The following C1QTNF9 variants were observed in gnomAD, a reference collection of about 807,000 sequenced individuals.
C1QTNF9 encodes C1q and TNF related 9.
In C1QTNF9, 6 loss-of-function variants were observed where a neutral mutation model predicts 10.1. The ratio of observed to expected loss-of-function variants is 0.59; its 90% CI spans 0.32 to 1.17. C1QTNF9 has a LOEUF of 1.17. C1QTNF9 is among the 50% of genes most tolerant of loss of function. C1QTNF9 has a pLI of 0.04. For synonymous variants in C1QTNF9, 98 were observed against 163.5 expected, an observed-to-expected ratio of 0.60 and a Z score of 3.06; for missense variants, 201 against 418.8, an observed-to-expected ratio of 0.48 and a Z score of 4.54.
Position 24,320,632 on chromosome 13 carries a change from A to C in C1QTNF9, c.230-364A>C, listed in dbSNP as rs534470272. Among the ~76,000 whole-genome samples, 110 of 152,164 alleles carry C rather than the reference A, an allele frequency of 7.2e-4. 2 individuals are homozygous for C. The South Asian group carries it at 0.013, about 18-fold the overall frequency. ...ATTCCTGGACTCAAGTAGTCTGCCC[A>C]CCTTGGCCTCCCAAAGTGCTAGGAT... On this transcript the variant is annotated intron_variant, in intron 3 of 3. Transcript: ENST00000332018.
exon 4 of C1QTNF9, chr13:24,321,303 A>C: frequency 6.4e-7 from 1 of 1,555,072 alleles, no homozygotes; most frequent in South Asian, 1.1e-5. Flanking sequence ...GAGTCCGGGG[A>C]ATAAGAGGCT....
chr13:24,318,543 G>A (rs1198764430), intron 2 of C1QTNF9, among the ~76,000 whole-genome samples: 3 of 151,888 alleles, frequency 2.0e-5, no homozygotes, highest in Non-Finnish European at 2.9e-5. Flanking sequence ...CTCCCTCTTC[G>A]TCCTGTCTTG....
exon 4 of C1QTNF9, chr13:24,321,546 A>T (rs2862239): frequency 6.2e-7 from 1 of 1,611,904 alleles, no homozygotes. Context: ...TTTTCTCCAG[A>T]AATGTTCAGG....
chr13:24,318,481 C>T (rs1376837873), intron 2 of C1QTNF9, among the ~76,000 whole-genome samples: 1 of 151,428 alleles, frequency 6.6e-6, no homozygotes, highest in East Asian at 2.0e-4. Context: ...CGTCCCAAGT[C>T]CTTGTCGCAG....
chr13:24,311,969 G>A (rs1291135067), intron 1 of C1QTNF9, among the ~76,000 whole-genome samples: 2 of 152,160 alleles, frequency 1.3e-5, no homozygotes, highest in Admixed American at 1.3e-4. Context: ...CCCATGGCCC[G>A]TAATCTAGCT....
rs191677848 is a variant in C1QTNF9 at position 24,319,318 on chromosome 13, C to T, written c.229+438C>T. Among the ~76,000 whole-genome samples the T allele has an allele frequency of 7.9e-5, 12 of 152,228 alleles. No individual in the cohort carries two copies. In the East Asian group the frequency reaches 1.9e-3, roughly 24 times the overall value. On this transcript the variant is annotated intron_variant, in intron 3 of 3. Coordinates refer to ENST00000332018, the Ensembl canonical transcript of C1QTNF9. Reference sequence around the variant, plus strand: ...CTTTGGGAGGCCCAGGTAAGAGAATCGCTTGAACCTAGGAGTTCCAGACCA... The same window carrying T: ...CTTTGGGAGGCCCAGGTAAGAGAATTGCTTGAACCTAGGAGTTCCAGACCA...
chr13:24,316,768 G>A (rs1482910507), intron 2 of C1QTNF9, among the ~76,000 whole-genome samples: 2 of 152,274 alleles, frequency 1.3e-5, no homozygotes, highest in East Asian at 1.9e-4. Flanking sequence ...TCAGCCTCTG[G>A]GAGGGAGATT....
At chr13:24,321,602 C>T (rs1878274369) in exon 4 of C1QTNF9, 2 of 1,614,168 alleles carry the variant, frequency 1.2e-6, no homozygotes, top group South Asian at 1.1e-5. Context: ...ACCAAAGATG[C>T]TTACATGAGC....
At chr13:24,308,084 C>G (rs897931498), upstream of C1QTNF9, among the ~76,000 whole-genome samples, 7 of 152,226 alleles carry the variant, frequency 4.6e-5, no homozygotes, top group East Asian at 1.3e-3. Flanking sequence ...CGTGGCTGGG[C>G]TGGAGTGTGC....
rs549791788 is a variant in C1QTNF9, at chr13:24,318,921, C to T, written c.229+41C>T. ...TTATGGTGCTCTAATTCTGAGCTGT[C>T]GACTATTTAACAATATTACCATGGA... is the stretch of plus-strand genomic sequence containing the variant. On this transcript the variant is annotated intron_variant, in intron 3 of 3. Coordinates refer to ENST00000332018, the Ensembl canonical transcript of C1QTNF9. 3.6e-5 allele frequency: 58 copies of T among 1,606,616 alleles called. No individual in the cohort carries two copies. In the Middle Eastern group the frequency reaches 8.3e-4, roughly 23 times the overall value.
chr13:24,311,337 A>G (rs1205623626), intron 1 of C1QTNF9, among the ~76,000 whole-genome samples: 3 of 152,208 alleles, frequency 2.0e-5, no homozygotes, highest in Non-Finnish European at 4.4e-5. Context: ...CTAAATAAGA[A>G]CACTATTTTG....
intron 1 of C1QTNF9, among the ~76,000 whole-genome samples, chr13:24,315,003 T>A (rs1877973815): frequency 6.6e-6 from 1 of 152,062 alleles, no homozygotes; most frequent in South Asian, 2.1e-4. Flanking sequence ...ATGCTTTACT[T>A]TTTTAAAAAT....
At chr13:24,314,270 G>A (rs2138804432) in intron 1 of C1QTNF9, among the ~76,000 whole-genome samples, 1 of 151,890 alleles carries the variant, frequency 6.6e-6, no homozygotes, top group East Asian at 1.9e-4. Context: ...TCAGGTACAG[G>A]GTCTTTAGCC....
intron 3 of C1QTNF9, among the ~76,000 whole-genome samples, chr13:24,319,293 C>G (rs542392187): frequency 8.5e-4 from 130 of 152,310 alleles, no homozygotes; most frequent in African/African-American, 3.0e-3. Flanking sequence ...AATCCCAACA[C>G]TTTGGGAGGC....
intron 2 of C1QTNF9, 100 bp from the exon 3 acceptor site, chr13:24,318,718 A>G: frequency 5.2e-6 from 8 of 1,540,568 alleles, no homozygotes; most frequent in Middle Eastern, 1.7e-4. Context: ...GGCGGGGGTC[A>G]CCCCCAGACT....
At chr13:24,308,263 G>C (rs77553819), upstream of C1QTNF9, among the ~76,000 whole-genome samples, 27,937 of 152,228 alleles carry the variant, frequency 0.18, 2,834 homozygotes, top group East Asian at 0.31. Context: ...GCCGGGCAGC[G>C]AGACGGGTGT....
exon 4 of C1QTNF9, chr13:24,321,613 T>G: frequency 6.2e-7 from 1 of 1,614,208 alleles, no homozygotes; most frequent in African/African-American, 1.3e-5. Context: ...TTACATGAGC[T>G]CTGAGGACCA....
At chr13:24,312,780 C>T (rs1314225842) in intron 1 of C1QTNF9, among the ~76,000 whole-genome samples, 3 of 151,720 alleles carry the variant, frequency 2.0e-5, no homozygotes, top group East Asian at 1.9e-4. Flanking sequence ...CATGGTGAAA[C>T]CCCGTCTCTA....
At chr13:24,314,363 C>A (rs1343267146) in intron 1 of C1QTNF9, among the ~76,000 whole-genome samples, 2 of 150,102 alleles carry the variant, frequency 1.3e-5, no homozygotes, top group African/African-American at 4.9e-5. Flanking sequence ...CAGAGTGAGA[C>A]CCAGTCTCTC....
Sources: allele counts gnomAD v4.1 joint callset (sites outside exome capture counted in the v4.1 genomes callset), GRCh38; gene constraint gnomAD v4.1.1; transcripts MANE v1.5; gene names NCBI Gene and HGNC (gene_info 2026-07-23, HGNC 2026-07-21).